NPHP4: variants seen among roughly 807,000 people sequenced by gnomAD.
NPHP4 encodes the protein nephrocystin 4.
In NPHP4, 151 loss-of-function variants were observed where a neutral mutation model predicts 155.8. The ratio of observed to expected loss-of-function variants is 0.97; its 90% CI spans 0.85 to 1.11. NPHP4 has a LOEUF of 1.11. NPHP4 is among the 50% of genes least tolerant of loss of function. The pLI is 0.00. For synonymous variants in NPHP4, 845 were observed against 816.8 expected (o/e 1.03, Z -0.59); for missense variants, 1,956 against 1,925.7 (o/e 1.02, Z -0.29).
chr1:5,881,288 A>G (rs1023550431), intron 18 of NPHP4: 1 of 152,284 alleles, frequency 6.6e-6, no homozygotes, highest in African/African-American at 2.4e-5. Context: ...GAGGTGAGCC[A>G]TATCCTCCGT....
chr1:5,884,033 A>T (rs1226084009), intron 18 of NPHP4, among the ~76,000 whole-genome samples: 2 of 152,210 alleles, frequency 1.3e-5, no homozygotes, highest in African/African-American at 2.4e-5. Flanking sequence ...TGGGAAAATA[A>T]ACCAGGTAAG....
chr1:5,977,255 G>A (rs557497610), intron 3 of NPHP4, among the ~76,000 whole-genome samples: 8 of 152,088 alleles, frequency 5.3e-5, no homozygotes, highest in African/African-American at 1.2e-4. Context: ...AAGGCACGAC[G>A]GGGCCACCCT....
At chr1:5,886,751 AC>A in intron 18 of NPHP4, 1 of 152,964 alleles carries the variant, frequency 6.5e-6, no homozygotes, top group Non-Finnish European at 1.5e-5. Context: ...CTCCTGAGCC[AC>A]CCAACCCACC....
At chr1:5,990,818 G>C (rs1656137321) in intron 1 of NPHP4, among the ~76,000 whole-genome samples, 1 of 152,238 alleles carries the variant, frequency 6.6e-6, no homozygotes, top group African/African-American at 2.4e-5. Flanking sequence ...CTTCAGGACA[G>C]ATTCGCAGCC....
chr1:5,951,285 G>C (rs1221712896), intron 7 of NPHP4, among the ~76,000 whole-genome samples: 3 of 152,216 alleles, frequency 2.0e-5, no homozygotes, highest in Non-Finnish European at 2.9e-5. Flanking sequence ...GCTTCTGCGG[G>C]ACTCATCACG....
chr1:5,913,953 C>A (rs1434476198), intron 11 of NPHP4, among the ~76,000 whole-genome samples: 9 of 152,172 alleles, frequency 5.9e-5, no homozygotes, highest in Non-Finnish European at 1.0e-4. Context: ...GCTCTCCAGC[C>A]AACCCCATGG....
chr1:5,888,868 C>T (rs1290413096), intron 17 of NPHP4, among the ~76,000 whole-genome samples: 1 of 152,140 alleles, frequency 6.6e-6, no homozygotes, highest in African/African-American at 2.4e-5. Flanking sequence ...CACGGTGGCA[C>T]CATCAGAATT....
chr1:5,879,360 G>A (rs1167769799), intron 19 of NPHP4: 1 of 356,290 alleles, frequency 2.8e-6, no homozygotes, highest in Non-Finnish European at 5.5e-6. Flanking sequence ...TAAGGGGATA[G>A]AAAAACTTCA....
chr1:5,984,725 A>T (rs971140780), intron 2 of NPHP4, among the ~76,000 whole-genome samples: 1 of 152,218 alleles, frequency 6.6e-6, no homozygotes, highest in Non-Finnish European at 1.5e-5. Flanking sequence ...TTTCCTCTGC[A>T]TCCTTGTCAA....
chr1:5,863,378 C>T lies in NPHP4; in HGVS notation c.4168G>A (p.Gly1390Ser), dbSNP rs770579044. Reference protein sequence around the residue: ...QVGGGETYTIGLQFAPSQRVG... With the variant: ...QVGGGETYTISLQFAPSQRVG... ...CTCTGACTAGGCGCAAACTGCAAGC[C>T]GATGGTGTAGGTCTCTCCACCCCCG... Residue 1390 changes from glycine (G) to serine (S), a missense_variant, in exon 30 of 30, where the codon GGC becomes AGC. Coordinates refer to ENST00000378156, the MANE Select transcript of NPHP4 (RefSeq NM_015102.5). 41 of 1,613,908 alleles carry T rather than the reference C, an allele frequency of 2.5e-5. No individual in the cohort carries two copies. Among genetic ancestry groups the T allele is most frequent in the East Asian group, 4.5e-5 (2 of 44,900 alleles).
intron 29 of NPHP4, 157 bp from the exon 30 acceptor site, chr1:5,863,562 G>A (rs573657657): frequency 2.0e-5 from 16 of 810,466 alleles, no homozygotes; most frequent in Middle Eastern, 3.6e-4. Flanking sequence ...TTCAGCGCCC[G>A]GTACAAGGAT....
At chr1:5,875,318 T>C (rs1570145061) in intron 20 of NPHP4, among the ~76,000 whole-genome samples, 1 of 140,420 alleles carries the variant, frequency 7.1e-6, no homozygotes, top group East Asian at 1.9e-4. Flanking sequence ...CTGCTGGCTG[T>C]GTCCCTGACA....
chr1:5,975,962 C>T (rs1362821386), intron 3 of NPHP4, among the ~76,000 whole-genome samples: 5 of 152,162 alleles, frequency 3.3e-5, no homozygotes, highest in East Asian at 1.9e-4. Flanking sequence ...TAGGAAGGTC[C>T]GAAGCCTCTC....
chr1:5,948,088 A>C lies in NPHP4; in HGVS notation c.974T>G (p.Val325Gly). ...TRSASFSRKV[V>G]SSSKTSSGSQ... Reference sequence around the variant, plus strand: ...ACAATACCTGGTCTTGGAAGAGGAGACCACTTTCCTGCTGAAGCTAGCTGA... The same window carrying C: ...ACAATACCTGGTCTTGGAAGAGGAGCCCACTTTCCTGCTGAAGCTAGCTGA... The change falls in exon 8 of 30, where the codon GTC becomes GGC. Residue 325 changes from valine (V) to glycine (G), a missense_variant. By Grantham distance (109) the Val-to-Gly change is moderately radical. Coordinates refer to ENST00000378156, the MANE Select transcript of NPHP4 (RefSeq NM_015102.5). 6.2e-7 allele frequency: 1 copy of C among 1,613,766 alleles called. No homozygotes were observed. Among genetic ancestry groups the C allele is most frequent in the Non-Finnish European group, 8.5e-7 (1 of 1,179,766 alleles).
At chr1:5,888,143 G>C (rs749370631) in intron 17 of NPHP4, among the ~76,000 whole-genome samples, 1 of 152,202 alleles carries the variant, frequency 6.6e-6, no homozygotes, top group Non-Finnish European at 1.5e-5. Flanking sequence ...GAGGCTGCTC[G>C]GGGCAGGGTG....
rs575174003 is a variant in NPHP4 at position 5,874,795 on chromosome 1, C to T, written c.3044+79G>A. 1.7e-4 allele frequency: 265 copies of T among 1,542,558 alleles called. 1 individual carries two copies. In the South Asian group the frequency reaches 2.1e-3, roughly 12 times the overall value. ...ATCGCCCCGGCTCTCGGGCAGAATT[C>T]GAGCCAGCTCAGCAGGGGTGCCGGC... On this transcript the variant is annotated intron_variant, in intron 21 of 29. Coordinates refer to ENST00000378156, the MANE Select transcript of NPHP4 (RefSeq NM_015102.5).
rs143356904 is a variant in NPHP4, at chr1:5,955,823, G to A, written c.674-2987C>T. Among the ~76,000 whole-genome samples the A allele has an allele frequency of 5.6e-3, 855 of 152,302 alleles. 10 individuals carry two copies. The highest frequency in any genetic ancestry group is 0.018 in the African/African-American group (759 of 41,560). ...TGCTGTTCCTGCACAGCAGGGTAAT[G>A]ACGGTTACCAGTAAGTTCCCGTAAA... On this transcript the variant is annotated intron_variant, in intron 6 of 29. Transcript: ENST00000378156.
intron 3 of NPHP4, among the ~76,000 whole-genome samples, chr1:5,972,895 C>CT (rs368044799): frequency 6.2e-4 from 94 of 151,248 alleles, no homozygotes; most frequent in African/African-American, 2.1e-3. Context: ...TTTGGTTTTT[C>CT]TTTTTTTTGA....
chr1:5,894,935 A>G (rs979590124), intron 16 of NPHP4, among the ~76,000 whole-genome samples: 6 of 152,176 alleles, frequency 3.9e-5, no homozygotes, highest in African/African-American at 1.4e-4. Context: ...AACCAACCCA[A>G]ATGTCCATCA....
Sources: allele counts gnomAD v4.1 joint callset (sites outside exome capture counted in the v4.1 genomes callset), GRCh38; gene constraint gnomAD v4.1.1; transcripts MANE v1.5; gene names NCBI Gene and HGNC (gene_info 2026-07-23, HGNC 2026-07-21).